DPP10: variants seen among roughly 807,000 people sequenced by gnomAD.
DPP10 encodes the protein dipeptidyl peptidase like 10.
A neutral mutation model predicts 120.9 loss-of-function variants in DPP10; 33 were observed. The ratio of observed to expected loss-of-function variants is 0.27; its 90% confidence interval spans 0.21 to 0.37. The LOEUF (loss-of-function observed/expected upper bound fraction) is 0.37. Ranked by LOEUF, DPP10 falls within the 10% of genes least tolerant of loss-of-function variation. The pLI, the probability that DPP10 is intolerant of heterozygous loss-of-function variation, is 1.00. For synonymous variants in DPP10, 337 were observed against 326.1 expected (o/e 1.03, Z -0.36); for missense variants, 816 against 942.8 (o/e 0.87, Z 1.76).
intron 1 of DPP10, among the ~76,000 whole-genome samples, chr2:114,964,493 G>A (rs1698864536): frequency 6.6e-6 from 1 of 152,048 alleles, no homozygotes; most frequent in African/African-American, 2.4e-5. Flanking sequence ...GAGTATCCAT[G>A]GAAGTCTTCC....
At chr2:115,622,613 C>T (rs1028830554) in intron 5 of DPP10, among the ~76,000 whole-genome samples, 1 of 144,168 alleles carries the variant, frequency 6.9e-6, no homozygotes, top group African/African-American at 2.6e-5. Flanking sequence ...TCTGTTTAAC[C>T]TTTTGAAAAA....
intron 2 of DPP10, among the ~76,000 whole-genome samples, chr2:115,337,107 T>A (rs2063185996): frequency 6.6e-6 from 1 of 151,114 alleles, no homozygotes; most frequent in Non-Finnish European, 1.5e-5. Flanking sequence ...AAGCTTGGAA[T>A]TTAAGACATA....
chr2:115,621,859 G>A (rs1233535687), intron 5 of DPP10, among the ~76,000 whole-genome samples: 1 of 151,846 alleles, frequency 6.6e-6, no homozygotes, highest in African/African-American at 2.4e-5. Context: ...TGTATTTTTG[G>A]TAAAGACAAG....
At chr2:115,493,525 A>AG (rs904309506) in intron 3 of DPP10, among the ~76,000 whole-genome samples, 1 of 151,818 alleles carries the variant, frequency 6.6e-6, no homozygotes, top group African/African-American at 2.4e-5. Flanking sequence ...TGGAAAAAAA[A>AG]AAAAGCCTAC....
At chr2:115,008,732 G>GA (rs1702042099) in intron 1 of DPP10, among the ~76,000 whole-genome samples, 1 of 105,024 alleles carries the variant, frequency 9.5e-6, no homozygotes, top group Non-Finnish European at 2.0e-5. Flanking sequence ...ACATTTACAA[G>GA]AAAAAAACAA....
intron 1 of DPP10, among the ~76,000 whole-genome samples, chr2:115,246,260 T>C (rs1431154129): frequency 6.6e-6 from 1 of 152,140 alleles, no homozygotes; most frequent in Non-Finnish European, 1.5e-5. Context: ...AGGACTGTGC[T>C]ACATACTGGC....
At chr2:115,778,540 A>AT (rs1479056913) in intron 15 of DPP10, among the ~76,000 whole-genome samples, 1 of 152,106 alleles carries the variant, frequency 6.6e-6, no homozygotes, top group East Asian at 1.9e-4. Flanking sequence ...CAAGCAACCT[A>AT]TTAATTCTAG....
intron 19 of DPP10, among the ~76,000 whole-genome samples, chr2:115,796,724 G>A (rs1428152169): frequency 6.6e-6 from 1 of 151,874 alleles, no homozygotes; most frequent in Non-Finnish European, 1.5e-5. Context: ...ATTGATATTA[G>A]CTACCATTTA....
chr2:115,523,898 T>C (rs1202257488), intron 4 of DPP10, among the ~76,000 whole-genome samples: 1 of 152,160 alleles, frequency 6.6e-6, no homozygotes, highest in Non-Finnish European at 1.5e-5. Context: ...AAATGGATCT[T>C]TTAAAAACTA....
intron 1 of DPP10, among the ~76,000 whole-genome samples, chr2:114,608,750 C>G (rs763887828): frequency 2.0e-5 from 3 of 151,318 alleles, no homozygotes; most frequent in Non-Finnish European, 4.4e-5. Flanking sequence ...GATATGAATG[C>G]AGTTGGCGGG....
chr2:115,710,707 G>A (rs2092289011), intron 7 of DPP10, among the ~76,000 whole-genome samples: 1 of 151,986 alleles, frequency 6.6e-6, no homozygotes, highest in African/African-American at 2.4e-5. Flanking sequence ...AGAACATTAT[G>A]AGCTTTTAAA....
chr2:114,463,714 T>G (rs1398632512), intron 1 of DPP10, among the ~76,000 whole-genome samples: 1 of 152,188 alleles, frequency 6.6e-6, no homozygotes, highest in East Asian at 1.9e-4. Context: ...TTTTGACAAA[T>G]ACACAGTGTC....
intron 2 of DPP10, among the ~76,000 whole-genome samples, chr2:115,318,741 C>T (rs79945737): frequency 0.013 from 1,995 of 152,110 alleles, 52 homozygotes; most frequent in African/African-American, 0.044. Flanking sequence ...AGAAACATGA[C>T]TGATTGTTTA....
chr2:115,049,963 G>T (rs1246080578), intron 1 of DPP10, among the ~76,000 whole-genome samples: 3 of 152,116 alleles, frequency 2.0e-5, no homozygotes, highest in Admixed American at 1.3e-4. Context: ...CACCTATCAG[G>T]TTATAATAAT....
chr2:115,737,461 G>A (rs1676693636), intron 8 of DPP10, among the ~76,000 whole-genome samples: 1 of 152,084 alleles, frequency 6.6e-6, no homozygotes, highest in Admixed American at 6.6e-5. Context: ...ATATTTTTCA[G>A]TACAAGCGAC....
At chr2:115,278,372 T>A (rs761692677) in intron 1 of DPP10, among the ~76,000 whole-genome samples, 2 of 152,216 alleles carry the variant, frequency 1.3e-5, no homozygotes, top group African/African-American at 2.4e-5. Context: ...AGTTACTGAT[T>A]TCACCAGTAA....
At chr2:115,610,490 AGT>A (rs751694854) in intron 5 of DPP10, among the ~76,000 whole-genome samples, 4 of 31,208 alleles carry the variant, frequency 1.3e-4, no homozygotes, top group East Asian at 5.2e-4. Flanking sequence ...AAGCAGTATG[AGT>A]GTGTGTGTGT....
At chr2:115,174,655 C>T (rs1389570346) in intron 1 of DPP10, among the ~76,000 whole-genome samples, 1 of 152,190 alleles carries the variant, frequency 6.6e-6, no homozygotes, top group Non-Finnish European at 1.5e-5. Flanking sequence ...CCCAGTTTGA[C>T]ATTGAAAAGA....
intron 4 of DPP10, among the ~76,000 whole-genome samples, chr2:115,502,513 T>C (rs2076731761): frequency 6.6e-6 from 1 of 152,160 alleles, no homozygotes; most frequent in Admixed American, 6.6e-5. Context: ...GGAAACTGTT[T>C]CCTAAGTATT....
Sources: allele counts gnomAD v4.1 joint callset (sites outside exome capture counted in the v4.1 genomes callset), GRCh38; gene constraint gnomAD v4.1.1; transcripts MANE v1.5; gene names NCBI Gene and HGNC (gene_info 2026-07-23, HGNC 2026-07-21).